Variants in EFCAB5 observed in about 807,000 individuals in gnomAD.
EFCAB5 encodes the protein EF-hand calcium-binding domain-containing protein 5.
In EFCAB5, 131 loss-of-function variants were observed where a neutral mutation model predicts 167.9. The observed-to-expected ratio is 0.78, with a 90% CI of 0.68 to 0.90. The LOEUF (loss-of-function observed/expected upper bound fraction) is 0.90, where lower values mean the gene tolerates loss of function less well. EFCAB5 is among the 40% of genes least tolerant of loss of function. The pLI is 0.00. For synonymous variants in EFCAB5, 574 were observed against 602.8 expected, an observed-to-expected ratio of 0.95 and a Z score of 0.70; for missense variants, 1,663 against 1,745.2, an observed-to-expected ratio of 0.95 and a Z score of 0.84.
intron 4 of EFCAB5, among the ~76,000 whole-genome samples, chr17:29,983,793 C>G (rs946591893): frequency 1.3e-5 from 2 of 152,094 alleles, no homozygotes; most frequent in Non-Finnish European, 2.9e-5. Context: ...TTTTGAGTCT[C>G]ATGTACAGTG....
chr17:29,963,216 A>G (rs1234791125), intron 3 of EFCAB5, among the ~76,000 whole-genome samples: 3 of 152,216 alleles, frequency 2.0e-5, no homozygotes, highest in African/African-American at 7.2e-5. Context: ...TGCTGGGATT[A>G]GAGGCATGAG....
intron 22 of EFCAB5, among the ~76,000 whole-genome samples, chr17:30,097,320 G>T (rs1217662966): frequency 6.6e-6 from 1 of 152,128 alleles, no homozygotes; most frequent in East Asian, 1.9e-4. Flanking sequence ...CTCCCAAAGT[G>T]CTGGGATTAC....
intron 2 of EFCAB5, among the ~76,000 whole-genome samples, chr17:29,942,981 T>C (rs1030945959): frequency 1.1e-4 from 16 of 151,768 alleles, no homozygotes; most frequent in African/African-American, 3.9e-4. Flanking sequence ...GAGGTTGCAG[T>C]GAGCCGAGAT....
intron 3 of EFCAB5, among the ~76,000 whole-genome samples, chr17:29,951,235 G>T (rs2067502352): frequency 6.6e-6 from 1 of 152,176 alleles, no homozygotes; most frequent in Non-Finnish European, 1.5e-5. Context: ...CTTTTCAAGG[G>T]TTTCTTCACA....
chr17:29,930,112 G>A, intron 1 of EFCAB5: 1 of 994,252 alleles, frequency 1.0e-6, no homozygotes, highest in Non-Finnish European at 1.5e-6. Flanking sequence ...TGAAGGGAAC[G>A]GGGAGGAGGA....
intron 7 of EFCAB5, among the ~76,000 whole-genome samples, chr17:30,019,465 G>A (rs949300448): frequency 4.3e-5 from 6 of 138,888 alleles, no homozygotes; most frequent in Non-Finnish European, 9.2e-5. Flanking sequence ...TTTTTTTTGA[G>A]ATGGAGTTTC....
In EFCAB5 at chr17:29,951,234, G is replaced by T. The variant is rs574198882; in HGVS notation, c.190+7585G>T. ...GTAGATGAAATGTTGGCTTTTCAAG[G>T]GTTTCTTCACAGACCAATTTTTCTC... On this transcript the variant is annotated intron_variant, in intron 3 of 22. Transcript: ENST00000394835. 3.9e-5 allele frequency among the ~76,000 whole-genome samples: 6 copies of T among 152,226 alleles called. No homozygotes were observed. In the South Asian group the frequency reaches 1.0e-3, roughly 26 times the overall value.
intron 1 of EFCAB5, among the ~76,000 whole-genome samples, chr17:29,932,631 CT>C (rs1201669796): frequency 4.0e-5 from 6 of 151,392 alleles, no homozygotes; most frequent in Non-Finnish European, 5.9e-5. Context: ...AATTTTATGT[CT>C]TTTTAGTAGA....
chr17:29,968,665 T>G (rs2151577286), intron 3 of EFCAB5, 126 bp from the exon 4 acceptor site: 1 of 740,464 alleles, frequency 1.4e-6, no homozygotes, highest in South Asian at 2.8e-5. Flanking sequence ...TCTGTTATTT[T>G]CAGCTGACAT....
At chr17:29,954,614 A>G (rs974315503) in intron 3 of EFCAB5, among the ~76,000 whole-genome samples, 1 of 152,146 alleles carries the variant, frequency 6.6e-6, no homozygotes, top group Non-Finnish European at 1.5e-5. Context: ...CTCATGGAGT[A>G]CCTCTACTAG....
At chr17:29,929,989 G>C in intron 1 of EFCAB5, 1 of 1,594,376 alleles carries the variant, frequency 6.3e-7, no homozygotes, top group Non-Finnish European at 8.5e-7. Context: ...GCTGGACCGT[G>C]ACCAAAGCCA....
intron 22 of EFCAB5, among the ~76,000 whole-genome samples, chr17:30,098,564 A>C (rs1380878712): frequency 6.6e-6 from 1 of 151,806 alleles, no homozygotes; most frequent in African/African-American, 2.4e-5. Flanking sequence ...CCTGGGCTTA[A>C]GCTGTCCTTC....
chr17:30,007,172 A>G (rs2068789712), intron 7 of EFCAB5, among the ~76,000 whole-genome samples: 1 of 152,164 alleles, frequency 6.6e-6, no homozygotes, highest in Admixed American at 6.5e-5. Flanking sequence ...GTATTAGGTA[A>G]AATTTTTTCA....
intron 22 of EFCAB5, among the ~76,000 whole-genome samples, chr17:30,102,465 G>A (rs2071394569): frequency 6.6e-6 from 1 of 151,906 alleles, no homozygotes; most frequent in Admixed American, 6.6e-5. Context: ...CGAACTCCTG[G>A]GCTTAGGTGA....
At chr17:29,932,382 C>G (rs1009492025) in intron 1 of EFCAB5, among the ~76,000 whole-genome samples, 3 of 150,332 alleles carry the variant, frequency 2.0e-5, no homozygotes, top group African/African-American at 7.3e-5. Context: ...AACTCCTGTC[C>G]TCAAGTGATC....
intron 7 of EFCAB5, among the ~76,000 whole-genome samples, chr17:30,026,765 G>C (rs2069333993): frequency 6.6e-6 from 1 of 151,826 alleles, no homozygotes; most frequent in South Asian, 2.1e-4. Flanking sequence ...TTGTAGAAAT[G>C]GGATCTTGCT....
chr17:30,092,132 T>G lies in EFCAB5; in HGVS notation c.4199T>G (p.Phe1400Cys). The stretch of plus-strand genomic sequence containing the variant: ...CCAGAGTTGGAATTTTCAAGTGACT[T>G]TGGAAGTTGGGATAAGTGTAAATTT... ...FHPELEFSSDFGSWDKCKFYV... is the reference protein window; with the variant it reads ...FHPELEFSSDCGSWDKCKFYV... Residue 1400 changes from phenylalanine to cysteine, a missense_variant, in exon 21 of 23, where the codon TTT becomes TGT. Phe to Cys is a radical substitution (Grantham distance 205). Coordinates refer to ENST00000394835, the MANE Select transcript of EFCAB5 (RefSeq NM_198529.4). 6.2e-7 allele frequency: 1 copy of G among 1,613,418 alleles called. No homozygotes were observed. The highest frequency in any genetic ancestry group is 8.5e-7 in the Non-Finnish European group (1 of 1,179,438).
chr17:29,956,973 A>G (rs1443517079), intron 3 of EFCAB5, among the ~76,000 whole-genome samples: 1 of 151,998 alleles, frequency 6.6e-6, no homozygotes, highest in Admixed American at 6.6e-5. Flanking sequence ...TCTAGCTAGG[A>G]CTCCAGTACT....
chr17:30,033,292 A>G (rs888952449), intron 7 of EFCAB5, among the ~76,000 whole-genome samples: 25 of 151,940 alleles, frequency 1.6e-4, no homozygotes, highest in African/African-American at 6.0e-4. Context: ...GTTAGCCAGG[A>G]TGGTCTCGAT....
Sources: allele counts gnomAD v4.1 joint callset (sites outside exome capture counted in the v4.1 genomes callset), GRCh38; gene constraint gnomAD v4.1.1; transcripts MANE v1.5; gene names NCBI Gene and HGNC (gene_info 2026-07-23, HGNC 2026-07-21).